Variants in RASAL2 observed in about 807,000 individuals in gnomAD.
RASAL2 encodes the protein ras GTPase-activating protein nGAP.
In RASAL2, 58 loss-of-function variants were observed where a neutral mutation model predicts 128.9. The observed-to-expected ratio is 0.45, with a 90% CI of 0.36 to 0.56. The LOEUF (loss-of-function observed/expected upper bound fraction) is 0.56. Among genes scored for constraint, RASAL2 ranks in the 20% least tolerant of loss-of-function variants. The probability of loss-of-function intolerance (pLI) is 0.00; values close to 1 mark genes in which losing one functional copy is unlikely to be tolerated. For synonymous variants in RASAL2, 561 were observed against 580.8 expected, an observed-to-expected ratio of 0.97 and a Z score of 0.49; for missense variants, 1,360 against 1,601.6, an observed-to-expected ratio of 0.85 and a Z score of 2.57.
Position 178,250,527 on chromosome 1 carries a change from C to T in RASAL2, c.203-33037C>T, listed in dbSNP as rs191578996. Among the ~76,000 whole-genome samples the T allele has an allele frequency of 2.0e-3, 308 of 152,304 alleles. 1 individual carries two copies. The highest frequency in any genetic ancestry group is 4.1e-3 in the Admixed American group (62 of 15,302). On this transcript the variant is annotated intron_variant, in intron 1 of 17. Coordinates refer to ENST00000367649, the MANE Select transcript of RASAL2 (RefSeq NM_170692.4). Reference sequence around the variant, plus strand: ...TGCTGAGCTGTTTGGGAGTGGGACTCGCTGATCGAGACCACTTGGCTCCCT... The same window carrying T: ...TGCTGAGCTGTTTGGGAGTGGGACTTGCTGATCGAGACCACTTGGCTCCCT...
chr1:178,398,297 G>A (rs986939381), intron 4 of RASAL2, among the ~76,000 whole-genome samples: 1 of 152,066 alleles, frequency 6.6e-6, no homozygotes, highest in Non-Finnish European at 1.5e-5. Flanking sequence ...TGTCCTATAT[G>A]TGGAATATTT....
chr1:178,457,777 A>C lies in RASAL2; in HGVS notation c.2485A>C (p.Ser829Arg). 6.2e-7 allele frequency: 1 copy of C among 1,614,200 alleles called. No homozygotes were observed. Among genetic ancestry groups the C allele is most frequent in the Non-Finnish European group, 8.5e-7 (1 of 1,180,030 alleles). Residue 829 changes from serine (S) to arginine (R), a missense_variant, in exon 14 of 18, where the codon AGC (serine) becomes CGC (arginine). Transcript: ENST00000367649. Reference sequence around the variant, plus strand: ...GCTGGTTCAGCAAGCCTCCTCTCAGAGCATGACTTATTCTGAAAAGGATGA... The same window carrying C: ...GCTGGTTCAGCAAGCCTCCTCTCAGCGCATGACTTATTCTGAAAAGGATGA... ...LLLVQQASSQ[S>R]MTYSEKDERE...
At chr1:178,258,870 C>T (rs1321509253) in intron 1 of RASAL2, among the ~76,000 whole-genome samples, 1 of 152,126 alleles carries the variant, frequency 6.6e-6, no homozygotes, top group Admixed American at 6.5e-5. Flanking sequence ...TGTTCATCAA[C>T]TGATGAATGT....
At chr1:178,290,923 G>T (rs543720940) in intron 2 of RASAL2, among the ~76,000 whole-genome samples, 1 of 152,218 alleles carries the variant, frequency 6.6e-6, no homozygotes, top group South Asian at 2.1e-4. Flanking sequence ...TGATCCGCCT[G>T]CCTCAGCCTC....
intron 15 of RASAL2, among the ~76,000 whole-genome samples, 155 bp downstream of exon 15, chr1:178,464,567 GGTGTGTGTGTGTGTGTGTGT>G (rs58822651): frequency 6.9e-6 from 1 of 145,020 alleles, no homozygotes; most frequent in African/African-American, 2.5e-5. Context: ...ATAGGTCAGT[GGTGTGTGTGTGTGTGTGTGT>G]GTGTGTGTGT....
chr1:178,122,092 A>G (rs961558169), intron 1 of RASAL2, among the ~76,000 whole-genome samples: 2 of 152,064 alleles, frequency 1.3e-5, no homozygotes, highest in South Asian at 4.1e-4. Context: ...AAAACAAAGG[A>G]CATGCTGAGT....
intron 12 of RASAL2, among the ~76,000 whole-genome samples, chr1:178,455,895 C>T (rs373098189): frequency 1.1e-4 from 16 of 152,322 alleles, no homozygotes; most frequent in African/African-American, 3.8e-4. Flanking sequence ...TTAAAGAGTT[C>T]GTCTTTGTTG....
At chr1:178,311,312 G>A (rs1668239730) in intron 3 of RASAL2, among the ~76,000 whole-genome samples, 1 of 144,540 alleles carries the variant, frequency 6.9e-6, no homozygotes, top group Non-Finnish European at 1.5e-5. Flanking sequence ...AGCAAATAGA[G>A]TGTGGCAAAT....
chr1:178,296,107 A>G (rs531910051), intron 2 of RASAL2, among the ~76,000 whole-genome samples: 1 of 149,924 alleles, frequency 6.7e-6, no homozygotes, highest in African/African-American at 2.5e-5. Context: ...ATATGTGTAT[A>G]TATGTGTGTA....
In RASAL2 at chr1:178,270,201, G is replaced by A. The variant is rs182419938; in HGVS notation, c.203-13363G>A. ...TTTTTCTTACTGATATGTTTTGGTG[G>A]TCATCTGTTTTTATCAATTTTGCTG... On this transcript the variant is annotated intron_variant, in intron 1 of 17. Transcript: ENST00000367649. Among the ~76,000 whole-genome samples the A allele has an allele frequency of 2.0e-5, 3 of 151,794 alleles. No homozygotes were observed. In the East Asian group the frequency reaches 5.8e-4, roughly 29 times the overall value.
At chr1:178,341,648 C>T (rs752505871) in intron 3 of RASAL2, 21 of 1,613,088 alleles carry the variant, frequency 1.3e-5, no homozygotes, top group South Asian at 9.9e-5. Flanking sequence ...TGAAAAGTCA[C>T]GTATTTAAGG....
chr1:178,412,061 G>T, intron 4 of RASAL2: 3 of 252,486 alleles, frequency 1.2e-5, no homozygotes, highest in South Asian at 5.6e-5. Context: ...GCCATCATGT[G>T]AAAAAAAAAA....
chr1:178,276,218 G>A (rs1216727878), intron 1 of RASAL2, among the ~76,000 whole-genome samples: 1 of 152,166 alleles, frequency 6.6e-6, no homozygotes, highest in African/African-American at 2.4e-5. Flanking sequence ...TGTGTGTTGG[G>A]TGGTTATCAG....
intron 4 of RASAL2, among the ~76,000 whole-genome samples, chr1:178,406,199 C>G (rs1023366353): frequency 6.6e-6 from 1 of 152,124 alleles, no homozygotes; most frequent in Non-Finnish European, 1.5e-5. Context: ...GGAAATAACT[C>G]GAACGTCCAT....
At chr1:178,250,368 G>A (rs1271074472) in intron 1 of RASAL2, among the ~76,000 whole-genome samples, 1 of 152,194 alleles carries the variant, frequency 6.6e-6, no homozygotes, top group Non-Finnish European at 1.5e-5. Context: ...GGCCTCCTTA[G>A]CACTGTCAGG....
At position 178,445,693 on chromosome 1, in the gene RASAL2, T is replaced by A. The variant is rs191397593; in HGVS notation, c.1627+31T>A. The A allele has an allele frequency of 5.1e-5, 81 of 1,578,502 alleles. No homozygotes were observed. In the East Asian group the frequency reaches 1.5e-3, roughly 30 times the overall value. On this transcript the variant is annotated intron_variant, in intron 9 of 17. Coordinates refer to ENST00000367649, the MANE Select transcript of RASAL2 (RefSeq NM_170692.4). ...AAAGAGAAAAACATCTATTTTCTTT[T>A]ATTTACTTTTCAGTTTTAAGCTATT...
chr1:178,380,780 T>C (rs1168932687), intron 3 of RASAL2, among the ~76,000 whole-genome samples: 1 of 152,160 alleles, frequency 6.6e-6, no homozygotes, highest in Non-Finnish European at 1.5e-5. Context: ...TGTTTAAAAA[T>C]TTAGACACAA....
rs576662508 is a variant in RASAL2 at position 178,251,981 on chromosome 1, A to G, written c.203-31583A>G. 3.9e-5 allele frequency among the ~76,000 whole-genome samples: 6 copies of G among 152,300 alleles called. No homozygotes were observed. In the South Asian group the frequency reaches 1.2e-3, roughly 32 times the overall value. On this transcript the variant is annotated intron_variant, in intron 1 of 17. Transcript: ENST00000367649. ...GTCAGATCAGAAAAGATATACACAT[A>G]AAGGTTTCAGATTTGCCAAATTCAT...
intron 3 of RASAL2, among the ~76,000 whole-genome samples, chr1:178,353,791 A>C (rs1449813522): frequency 6.6e-6 from 1 of 152,174 alleles, no homozygotes; most frequent in Non-Finnish European, 1.5e-5. Context: ...ATCATATTAC[A>C]GATTCCAGGC....
Sources: gnomAD v4.1 joint callset for allele counts (sites outside exome capture counted in the v4.1 genomes callset) on GRCh38, gnomAD v4.1.1 for gene constraint, MANE v1.5 for transcripts, NCBI Gene and HGNC (gene_info 2026-07-23, HGNC 2026-07-21) for gene names.